The following CAPRIN1 variants were observed in gnomAD, a reference collection of about 807,000 sequenced individuals.
CAPRIN1 encodes caprin-1.
In CAPRIN1, 29 loss-of-function variants were observed where a neutral mutation model predicts 100.9. That is an observed-to-expected ratio of 0.29 (90% CI 0.21 to 0.39). The LOEUF (loss-of-function observed/expected upper bound fraction) is 0.39. Among genes scored for constraint, CAPRIN1 ranks in the 10% least tolerant of loss-of-function variants. CAPRIN1 has a pLI of 1.00. For missense variants in CAPRIN1, 795 were observed against 876.7 expected, an observed-to-expected ratio of 0.91 and a Z score of 1.18; for synonymous variants, 338 against 307.5, an observed-to-expected ratio of 1.10 and a Z score of -1.04.
chr11:34,084,757 A>G (rs1851105461), intron 9 of CAPRIN1, among the ~76,000 whole-genome samples: 1 of 152,218 alleles, frequency 6.6e-6, no homozygotes, highest in Admixed American at 6.5e-5. Context: ...AGGGATGTAT[A>G]GCATGGATGT....
chr11:34,077,277 T>C (rs1036256225), intron 6 of CAPRIN1, among the ~76,000 whole-genome samples: 2 of 152,250 alleles, frequency 1.3e-5, no homozygotes, highest in Non-Finnish European at 2.9e-5. Context: ...AGATTGACTT[T>C]CCACAGCTTT....
intron 4 of CAPRIN1, among the ~76,000 whole-genome samples, chr11:34,072,902 C>T (rs1271721426): frequency 1.3e-5 from 2 of 152,182 alleles, no homozygotes; most frequent in African/African-American, 2.4e-5. Flanking sequence ...ATAAATACCT[C>T]TGTGTTACAG....
chr11:34,097,095 C>A (rs1451565606), intron 16 of CAPRIN1, 101 bp from the exon 17 acceptor site: 1 of 798,754 alleles, frequency 1.3e-6, no homozygotes, highest in East Asian at 2.5e-5. Flanking sequence ...GATTAACTAG[C>A]CTGGCTTATA....
intron 2 of CAPRIN1, chr11:34,052,959 A>C (rs1228823536): frequency 8.5e-7 from 1 of 1,171,436 alleles, no homozygotes; most frequent in East Asian, 6.5e-5. Flanking sequence ...TCAGGACTTC[A>C]CTGTATGGTG....
At chr11:34,062,266 C>T (rs1331278242) in intron 2 of CAPRIN1, among the ~76,000 whole-genome samples, 9 of 152,190 alleles carry the variant, frequency 5.9e-5, no homozygotes, top group Middle Eastern at 3.4e-3. Context: ...AGTCAAAACT[C>T]GTAATTGTCT....
At chr11:34,082,335 C>A (rs1196964968) in intron 7 of CAPRIN1, among the ~76,000 whole-genome samples, 1 of 151,758 alleles carries the variant, frequency 6.6e-6, no homozygotes, top group East Asian at 1.9e-4. Context: ...TTGCAGGCGT[C>A]CGCCACCATG....
chr11:34,085,938 A>G, intron 9 of CAPRIN1, 126 bp from the exon 10 acceptor site: 1 of 667,138 alleles, frequency 1.5e-6, no homozygotes. Flanking sequence ...CATTTGGGTA[A>G]CTGCATTAAA....
chr11:34,079,926 T>G (rs1432910767), intron 7 of CAPRIN1, among the ~76,000 whole-genome samples, 161 bp downstream of exon 7: 1 of 32,046 alleles, frequency 3.1e-5, no homozygotes, highest in African/African-American at 1.1e-4. Context: ...TTTTTTTTTT[T>G]TTTTTTTTTT....
Position 34,079,689 on chromosome 11 carries a change from C to T in CAPRIN1, c.750C>T (p.His250=). Residue 250 remains histidine, a synonymous_variant, in exon 7 of 19, where the codon CAC becomes CAT. Transcript: ENST00000341394. ...VFQSNYFDST[H]NHQNGLCEEE... ...AGTCAAACTACTTTGACAGCACCCA[C>T]AACCACCAGAATGGGCTGTGTGAGG... 6.2e-7 allele frequency: 1 copy of T among 1,614,070 alleles called. No individual in the cohort carries two copies. Among genetic ancestry groups the T allele is most frequent in the Non-Finnish European group, 8.5e-7 (1 of 1,179,964 alleles).
chr11:34,073,903 C>T (rs1365461543), intron 4 of CAPRIN1, among the ~76,000 whole-genome samples: 1 of 152,184 alleles, frequency 6.6e-6, no homozygotes, highest in African/African-American at 2.4e-5. Flanking sequence ...TCTCACACTT[C>T]TGGATGCTGG....
chr11:34,066,124 C>T (rs553757878), intron 2 of CAPRIN1, among the ~76,000 whole-genome samples: 6 of 152,094 alleles, frequency 3.9e-5, no homozygotes, highest in African/African-American at 9.6e-5. Flanking sequence ...TGCAGGTGCG[C>T]GCCACCAGGC....
At chr11:34,074,907 G>C (rs1850877123) in intron 4 of CAPRIN1, among the ~76,000 whole-genome samples, 1 of 151,664 alleles carries the variant, frequency 6.6e-6, no homozygotes, top group African/African-American at 2.4e-5. Flanking sequence ...GGCTGGTCAT[G>C]GTGGCTCATA....
intron 15 of CAPRIN1, among the ~76,000 whole-genome samples, chr11:34,094,612 A>G (rs1851331760): frequency 6.6e-6 from 1 of 152,060 alleles, no homozygotes; most frequent in East Asian, 2.0e-4. Flanking sequence ...AGCCTGGGCA[A>G]CACAGAGCCC....
chr11:34,064,889 GTTTAAAGTTTCAAC>G (rs1324145093), intron 2 of CAPRIN1, among the ~76,000 whole-genome samples: 1 of 140,730 alleles, frequency 7.1e-6, no homozygotes, highest in East Asian at 2.1e-4. Context: ...TTTCTGGGTT[GTTTAAAGTTTCAAC>G]TTTAAAGTTT....
intron 2 of CAPRIN1, among the ~76,000 whole-genome samples, chr11:34,069,947 A>G (rs1850777796): frequency 6.6e-6 from 1 of 150,700 alleles, no homozygotes; most frequent in Admixed American, 6.6e-5. Context: ...ACTTATTACC[A>G]TTGCTTTTAA....
intron 2 of CAPRIN1, among the ~76,000 whole-genome samples, chr11:34,066,148 G>C (rs954127870): frequency 6.6e-6 from 1 of 151,910 alleles, no homozygotes; most frequent in Non-Finnish European, 1.5e-5. Flanking sequence ...GCTACTTTTT[G>C]TATTTTTTGC....
chr11:34,072,315 C>T (rs1850817820), intron 4 of CAPRIN1, among the ~76,000 whole-genome samples: 1 of 131,806 alleles, frequency 7.6e-6, no homozygotes, highest in South Asian at 2.6e-4. Flanking sequence ...AACCCCATCT[C>T]TAAAAAAAAA....
At chr11:34,082,091 C>T (rs746648312) in intron 7 of CAPRIN1, among the ~76,000 whole-genome samples, 2 of 152,174 alleles carry the variant, frequency 1.3e-5, no homozygotes, top group African/African-American at 4.8e-5. Flanking sequence ...GGATTACAGG[C>T]GTGAGCCAGC....
chr11:34,101,959 T>TA lies in CAPRIN1; in HGVS notation c.*2597dup, dbSNP rs1271442964. On this transcript the variant is annotated 3_prime_UTR_variant, in exon 19 of 19. Coordinates refer to ENST00000341394, the MANE Select transcript of CAPRIN1 (RefSeq NM_005898.5). The stretch of plus-strand genomic sequence containing the variant: ...GATATGAAACTTCTTTTTTAAAACT[T>TA]AAAAAGGTAGAATGTTATTGATTAC... Among the ~76,000 whole-genome samples the TA allele has an allele frequency of 6.6e-6, 1 of 152,204 alleles. No homozygotes were observed. The highest frequency in any genetic ancestry group is 1.5e-5 in the Non-Finnish European group (1 of 68,026).
Sources: gnomAD v4.1 joint callset for allele counts (sites outside exome capture counted in the v4.1 genomes callset) on GRCh38, gnomAD v4.1.1 for gene constraint, MANE v1.5 for transcripts, NCBI Gene and HGNC (gene_info 2026-07-23, HGNC 2026-07-21) for gene names.